OPCML: variants seen among roughly 807,000 people sequenced by gnomAD.
OPCML encodes opioid-binding protein/cell adhesion molecule.
Under a neutral mutation model 37.8 loss-of-function variants are expected in OPCML, and 13 were observed. The observed-to-expected ratio is 0.34, with a 90% confidence interval of 0.22 to 0.55. The LOEUF is 0.55. Among genes scored for constraint, OPCML ranks in the 20% least tolerant of loss-of-function variants. OPCML has a pLI of 0.91. For missense variants in OPCML, 341 were observed against 435.6 expected, an observed-to-expected ratio of 0.78 and a Z score of 1.93; for synonymous variants, 176 against 168.8, an observed-to-expected ratio of 1.04 and a Z score of -0.33.
At chr11:133,524,035 C>T (rs1296979479) in intron 1 of OPCML, among the ~76,000 whole-genome samples, 3 of 152,228 alleles carry the variant, frequency 2.0e-5, no homozygotes, top group Non-Finnish European at 4.4e-5. Context: ...TCCCTCTGGA[C>T]TGTAAGCTTC....
intron 3 of OPCML, among the ~76,000 whole-genome samples, chr11:132,578,347 A>G (rs1397511575): frequency 1.3e-5 from 2 of 152,230 alleles, no homozygotes; most frequent in East Asian, 3.8e-4. Context: ...AATGTAGCCA[A>G]TGCCTGAAAG....
intron 1 of OPCML, among the ~76,000 whole-genome samples, chr11:133,310,155 C>T (rs1943032911): frequency 6.6e-6 from 1 of 152,154 alleles, no homozygotes; most frequent in South Asian, 2.1e-4. Flanking sequence ...CTCTTGTTCG[C>T]ACAAATCTGA....
intron 1 of OPCML, among the ~76,000 whole-genome samples, chr11:133,329,066 G>A (rs560865405): frequency 6.6e-6 from 1 of 152,266 alleles, no homozygotes; most frequent in South Asian, 2.1e-4. Context: ...CAAATCATGA[G>A]TGAACTCCCA....
intron 3 of OPCML, among the ~76,000 whole-genome samples, chr11:132,656,348 A>G (rs1024507429): frequency 6.6e-6 from 1 of 152,124 alleles, no homozygotes; most frequent in Non-Finnish European, 1.5e-5. Context: ...CTTCAGCCCC[A>G]TTTTTGAGGT....
At chr11:133,390,338 C>T (rs1397715575) in intron 1 of OPCML, among the ~76,000 whole-genome samples, 1 of 152,078 alleles carries the variant, frequency 6.6e-6, no homozygotes, top group East Asian at 1.9e-4. Flanking sequence ...TGGCGGGCGC[C>T]TGTAGTCCCA....
intron 1 of OPCML, among the ~76,000 whole-genome samples, chr11:133,433,426 A>G (rs1946168179): frequency 6.6e-6 from 1 of 152,162 alleles, no homozygotes; most frequent in Non-Finnish European, 1.5e-5. Context: ...ACACTATACT[A>G]TGAGCACTGA....
chr11:132,976,685 A>G (rs572822149), intron 1 of OPCML, among the ~76,000 whole-genome samples: 1 of 152,340 alleles, frequency 6.6e-6, no homozygotes, highest in East Asian at 1.9e-4. Context: ...ATAACAGGAT[A>G]ATAAATCACT....
At chr11:133,007,137 G>A (rs1301072087) in intron 1 of OPCML, 2 of 985,258 alleles carry the variant, frequency 2.0e-6, no homozygotes, top group Non-Finnish European at 2.4e-6. Context: ...AACTTATCAG[G>A]CAGCCTTACA....
intron 1 of OPCML, among the ~76,000 whole-genome samples, chr11:133,112,624 T>C (rs944276366): frequency 6.6e-6 from 1 of 152,126 alleles, no homozygotes; most frequent in African/African-American, 2.4e-5. Flanking sequence ...AAAGAAACCC[T>C]GCAATGAGGG....
At chr11:133,486,109 T>G (rs1324595620) in intron 1 of OPCML, among the ~76,000 whole-genome samples, 1 of 152,168 alleles carries the variant, frequency 6.6e-6, no homozygotes, top group African/African-American at 2.4e-5. Flanking sequence ...GAATTAAGTC[T>G]TTGTGCAAAA....
At chr11:132,967,014 G>A (rs1302710618) in intron 1 of OPCML, among the ~76,000 whole-genome samples, 2 of 151,880 alleles carry the variant, frequency 1.3e-5, no homozygotes, top group Non-Finnish European at 2.9e-5. Context: ...GTTTAATCTA[G>A]TCACATTTAA....
At chr11:133,187,278 C>T (rs1329694655) in intron 1 of OPCML, among the ~76,000 whole-genome samples, 2 of 152,096 alleles carry the variant, frequency 1.3e-5, no homozygotes, top group Non-Finnish European at 2.9e-5. Context: ...ACTTATAATA[C>T]ACATCCCACG....
intron 2 of OPCML, among the ~76,000 whole-genome samples, chr11:132,758,304 T>C (rs981498459): frequency 2.6e-5 from 4 of 152,218 alleles, no homozygotes; most frequent in African/African-American, 4.8e-5. Flanking sequence ...TTTGGTTCCA[T>C]ATGAAATTTA....
At chr11:132,681,200 T>C (rs1453780030) in intron 2 of OPCML, among the ~76,000 whole-genome samples, 1 of 152,350 alleles carries the variant, frequency 6.6e-6, no homozygotes, top group East Asian at 1.9e-4. Context: ...GTGCGGTCCC[T>C]GGCAAGGGCC....
chr11:132,609,659 C>T (rs1400034509), intron 3 of OPCML, among the ~76,000 whole-genome samples: 1 of 152,184 alleles, frequency 6.6e-6, no homozygotes, highest in Non-Finnish European at 1.5e-5. Context: ...TGCCACCCAT[C>T]CAGGAAAGCT....
intron 1 of OPCML, among the ~76,000 whole-genome samples, chr11:133,367,584 G>A (rs1474057479): frequency 6.6e-6 from 1 of 152,136 alleles, no homozygotes; most frequent in African/African-American, 2.4e-5. Flanking sequence ...GCATAATCAG[G>A]GCCTTTCGAG....
At chr11:132,551,386 T>C (rs1292204060) in intron 3 of OPCML, among the ~76,000 whole-genome samples, 1 of 146,100 alleles carries the variant, frequency 6.8e-6, no homozygotes, top group Non-Finnish European at 1.5e-5. Context: ...AGGGGCTTAG[T>C]TTATAGTTGA....
Position 133,532,385 on chromosome 11 carries a change from G to T in OPCML, c.-61C>A, listed in dbSNP as rs2120782952. On this transcript the variant is annotated 5_prime_UTR_variant, in exon 1 of 8. Transcript: ENST00000524381. ...TACTGCTTCTGCTGCTGCTACCGCT[G>T]CTGCCTTCCTCTGTGCTGAATTCTG... 2 of 1,578,394 alleles carry T rather than the reference G, an allele frequency of 1.3e-6. No individual in the cohort carries two copies. Among genetic ancestry groups the T allele is most frequent in the Non-Finnish European group, 1.7e-6 (2 of 1,156,520 alleles).
intron 1 of OPCML, among the ~76,000 whole-genome samples, chr11:133,344,813 C>G (rs1943958560): frequency 6.6e-6 from 1 of 152,090 alleles, no homozygotes; most frequent in Non-Finnish European, 1.5e-5. Context: ...TCATGACAAC[C>G]CCTGCCTCAG....
Sources: allele counts gnomAD v4.1 joint callset (sites outside exome capture counted in the v4.1 genomes callset), GRCh38; gene constraint gnomAD v4.1.1; transcripts MANE v1.5; gene names NCBI Gene and HGNC (gene_info 2026-07-23, HGNC 2026-07-21).